The following PANK3 variants were observed in gnomAD, a reference collection of about 807,000 sequenced individuals.
PANK3 encodes pantothenate kinase 3, also known as hPanK3.
PANK3 carries 20 observed loss-of-function variants against 39.4 expected under a neutral mutation model. The ratio of observed to expected loss-of-function variants is 0.51; its 90% CI spans 0.36 to 0.74. PANK3 has a LOEUF of 0.74. Among genes scored for constraint, PANK3 ranks in the 30% least tolerant of loss-of-function variants. The pLI, the probability that PANK3 is intolerant of heterozygous loss-of-function variation, is 0.00. For missense variants in PANK3, 265 were observed against 437.0 expected (o/e 0.61, Z 3.51); for synonymous variants, 140 against 157.3 (o/e 0.89, Z 0.82).
Position 168,554,496 on chromosome 5 carries a change from T to C in PANK3, c.*3075A>G, listed in dbSNP as rs541946681. 25 of 152,334 alleles carry C rather than the reference T, an allele frequency of 1.6e-4. No individual in the cohort carries two copies. Among genetic ancestry groups the C allele is most frequent in the African/African-American group, 4.6e-4 (19 of 41,586 alleles). The allele number at this position is 152,334 out of a possible 1,614,324, so 9.4% of individuals were successfully genotyped here. On this transcript the variant is annotated 3_prime_UTR_variant, in exon 7 of 7. Transcript: ENST00000239231. ...CATGAGCCACTGCACCCAGCCTCAA[T>C]TGTTTAAAATTCAGTTTTCTTTACC...
At chr5:168,561,538 A>T (rs747544532) in intron 4 of PANK3, 22 bp from the exon 5 acceptor site, 1 of 1,547,092 alleles carries the variant, frequency 6.5e-7, no homozygotes, top group Non-Finnish European at 8.7e-7. Flanking sequence ...TGAAAAATAA[A>T]GTCAAATCTG....
chr5:168,578,150 G>A (rs969132182), intron 1 of PANK3, among the ~76,000 whole-genome samples: 1 of 152,234 alleles, frequency 6.6e-6, no homozygotes, highest in African/African-American at 2.4e-5. Flanking sequence ...GAACCACATA[G>A]CACATGGTTG....
At position 168,550,417 on chromosome 5, in the gene PANK3, A is replaced by G. The variant is rs1222278870; in HGVS notation, c.*7154T>C. The G allele has an allele frequency of 2.0e-5, 3 of 152,236 alleles. No individual in the cohort carries two copies. Among genetic ancestry groups the G allele is most frequent in the African/African-American group, 7.2e-5 (3 of 41,470 alleles). The allele number at this position is 152,236 out of a possible 1,614,324, so 9.4% of individuals were successfully genotyped here. On this transcript the variant is annotated 3_prime_UTR_variant, in exon 7 of 7. Transcript: ENST00000239231. ...GAACATCTGTATTCTAACATTTATG[A>G]ATAATTTTTTGTACAATGAAAAAGT... is the stretch of plus-strand genomic sequence containing the variant.
At position 168,565,869 on chromosome 5, in the gene PANK3, AT is replaced by A. The variant is rs1307694352; in HGVS notation, c.635+143del. On this transcript the variant is annotated intron_variant, in intron 3 of 6. Coordinates refer to ENST00000239231, the MANE Select transcript of PANK3 (RefSeq NM_024594.4). ...ACCCTCTTTCACTTAAAAAAAAAAA[AT>A]ATATATATATATATATTTTTTTTTT... 76 of 101,518 alleles carry A rather than the reference AT, an allele frequency of 7.5e-4. 1 individual carries two copies. The highest frequency in any genetic ancestry group is 3.8e-3 in the Middle Eastern group (1 of 260). The allele number at this position is 101,518 out of a possible 1,614,324, so 6.3% of individuals were successfully genotyped here.
At chr5:168,577,559 G>C (rs1236752045) in intron 1 of PANK3, among the ~76,000 whole-genome samples, 1 of 151,836 alleles carries the variant, frequency 6.6e-6, no homozygotes, top group African/African-American at 2.4e-5. Flanking sequence ...GGTTGGTCTC[G>C]AACTCCTGGC....
Position 168,557,575 on chromosome 5 carries a change from C to T in PANK3, c.1109G>A (p.Ser370Asn). The T allele has an allele frequency of 6.2e-7, 1 of 1,613,618 alleles. No individual in the cohort carries two copies. The highest frequency in any genetic ancestry group is 8.5e-7 in the Non-Finnish European group (1 of 1,179,620). The change falls in exon 7 of 7, where the codon AGC (serine) becomes AAC (asparagine). Residue 370 changes from serine to asparagine, a missense_variant. This residue lies in a region of PANK3 where 110 missense variants were observed against 161.2 expected (regional missense o/e 0.68). Coordinates refer to ENST00000239231, the MANE Select transcript of PANK3 (RefSeq NM_024594.4). ...CAGAGAGAGAGACCTGATGCTTTAG[C>T]TGAAATTTGGCAGCCCAAGAAGTGC... ...VGALLGLPNFS is the reference protein window; with the variant it reads ...VGALLGLPNFN
At chr5:168,574,690 G>A (rs192661452) in intron 1 of PANK3, among the ~76,000 whole-genome samples, 89 of 152,180 alleles carry the variant, frequency 5.8e-4, no homozygotes, top group African/African-American at 2.1e-3. Context: ...GTGAAACCTC[G>A]TCTCTACCAG....
intron 1 of PANK3, among the ~76,000 whole-genome samples, chr5:168,574,106 A>G (rs533686296): frequency 6.7e-6 from 1 of 150,290 alleles, no homozygotes; most frequent in East Asian, 1.9e-4. Context: ...GACTTCCACA[A>G]TGGTTGAACT....
chr5:168,567,267 T>C (rs1032209937), intron 2 of PANK3, among the ~76,000 whole-genome samples: 1 of 152,200 alleles, frequency 6.6e-6, no homozygotes, highest in Admixed American at 6.5e-5. Flanking sequence ...AATCTATGCA[T>C]AGGTGCAAGC....
intron 1 of PANK3, among the ~76,000 whole-genome samples, chr5:168,574,152 T>G (rs1464610419): frequency 1.3e-5 from 2 of 150,638 alleles, no homozygotes; most frequent in Admixed American, 6.6e-5. Context: ...AAAGTGTTCC[T>G]ATTTCTCCAC....
At chr5:168,573,488 C>G (rs1759681268) in intron 1 of PANK3, among the ~76,000 whole-genome samples, 1 of 118,380 alleles carries the variant, frequency 8.4e-6, no homozygotes, top group Admixed American at 9.0e-5. Flanking sequence ...CATAAATTCT[C>G]AATTATGATA....
Position 168,548,510 on chromosome 5 carries a change from ATAAT to A in PANK3, c.*9057_*9060del, listed in dbSNP as rs1759227522. ...AAGGCACACATAGTAAACAACTTAG[ATAAT>A]TTATTTAGAAAGTAGAAAATAAAAA... On this transcript the variant is annotated 3_prime_UTR_variant, in exon 7 of 7. Coordinates refer to ENST00000239231, the MANE Select transcript of PANK3 (RefSeq NM_024594.4). The A allele has an allele frequency of 6.6e-6, 1 of 152,200 alleles. No individual in the cohort carries two copies. The highest frequency in any genetic ancestry group is 2.4e-5 in the African/African-American group (1 of 41,460). 9.4% of individuals were successfully genotyped at this position (152,200 alleles called of 1,614,324 possible). A position where few individuals can be genotyped will look rare whatever the true frequency, so the allele number is the denominator to read the frequency against.
At chr5:168,573,358 C>A (rs890676476) in intron 1 of PANK3, among the ~76,000 whole-genome samples, 1 of 115,454 alleles carries the variant, frequency 8.7e-6, no homozygotes, top group Non-Finnish European at 1.7e-5. Flanking sequence ...AAATTAATTT[C>A]TTTATGCCAG....
At chr5:168,557,765 T>TA (rs1005904904) in intron 6 of PANK3, 144 bp from the exon 7 acceptor site, 15 of 605,022 alleles carry the variant, frequency 2.5e-5, no homozygotes, top group Non-Finnish European at 4.1e-5. Flanking sequence ...TTAGCTATTA[T>TA]AAAAAATTTT....
intron 1 of PANK3, among the ~76,000 whole-genome samples, chr5:168,575,290 A>G (rs1409192612): frequency 6.6e-6 from 1 of 152,214 alleles, no homozygotes; most frequent in African/African-American, 2.4e-5. Context: ...ATGAAGTGCT[A>G]TGTCTTACCA....
chr5:168,557,966 T>G (rs111334356), intron 6 of PANK3, among the ~76,000 whole-genome samples: 1 of 152,222 alleles, frequency 6.6e-6, no homozygotes, highest in South Asian at 2.1e-4. Flanking sequence ...ATTCTAAAAG[T>G]GTGGCCTTTA....
intron 6 of PANK3, among the ~76,000 whole-genome samples, chr5:168,558,556 A>G (rs534878838): frequency 1.1e-4 from 16 of 152,362 alleles, no homozygotes; most frequent in African/African-American, 3.8e-4. Context: ...AAAATGATTC[A>G]AGTTAAGTTA....
intron 5 of PANK3, chr5:168,560,946 C>T (rs1759437015): frequency 1.9e-6 from 1 of 518,372 alleles, no homozygotes; most frequent in Non-Finnish European, 4.0e-6. Flanking sequence ...TGCAACAAGG[C>T]AGCACTGTAA....
In PANK3 at chr5:168,571,158, CA is replaced by C. The variant is rs372130184; in HGVS notation, c.29-2161del. Among the ~76,000 whole-genome samples the C allele has an allele frequency of 3.1e-3, 475 of 152,286 alleles. 3 individuals are homozygous for C. The highest frequency in any genetic ancestry group is 0.011 in the African/African-American group (451 of 41,548). On this transcript the variant is annotated intron_variant, in intron 1 of 6. Transcript: ENST00000239231. The stretch of plus-strand genomic sequence containing the variant: ...CTTCAGGTTATGAAATTCAGTTTTA[CA>C]ACGTGATTTCCTTATATTTATTGGC...
Sources: gnomAD v4.1 joint callset for allele counts (sites outside exome capture counted in the v4.1 genomes callset) on GRCh38, gnomAD v4.1.1 for gene constraint, gnomAD v4.1.1 regional missense constraint, MANE v1.5 for transcripts, NCBI Gene and HGNC (gene_info 2026-07-23, HGNC 2026-07-21) for gene names.